The following SMYD3 variants were observed in gnomAD, a reference collection of about 807,000 sequenced individuals.
SMYD3 encodes the protein SET and MYND domain containing 3.
Under a neutral mutation model 57.7 loss-of-function variants are expected in SMYD3, and 36 were observed. That is an observed-to-expected ratio of 0.62 (90% CI 0.48 to 0.82). SMYD3 has a LOEUF of 0.82. Among genes scored for constraint, SMYD3 ranks in the 40% least tolerant of loss-of-function variants. The pLI is 0.00. For missense variants in SMYD3, 515 were observed against 538.8 expected (o/e 0.96, Z 0.44); for synonymous variants, 211 against 195.0 (o/e 1.08, Z -0.68).
chr1:245,951,497 A>T lies in SMYD3; in HGVS notation c.532-21560T>A, dbSNP rs1436314739. Among the ~76,000 whole-genome samples the T allele has an allele frequency of 1.5e-5, 2 of 136,050 alleles. 1 individual carries two copies. Among genetic ancestry groups the T allele is most frequent in the African/African-American group, 6.0e-5 (2 of 33,080 alleles). 89.3% of individuals were successfully genotyped at this position (136,050 alleles called of 152,430 possible). A position where few individuals can be genotyped will look rare whatever the true frequency, so the allele number is the denominator to read the frequency against. ...GGCAGGAGAATGGCGTGAACCCGGG[A>T]GGCAGAGCTTGCAGTGAGCCGAGAT... On this transcript the variant is annotated intron_variant, in intron 5 of 11. Transcript: ENST00000490107.
At chr1:246,128,349 T>C (rs1201734089) in intron 5 of SMYD3, among the ~76,000 whole-genome samples, 1 of 152,180 alleles carries the variant, frequency 6.6e-6, no homozygotes, top group East Asian at 1.9e-4. Context: ...AATATATTTC[T>C]ATGAGGGGAG....
At chr1:246,405,779 G>A (rs1204993647) in intron 1 of SMYD3, among the ~76,000 whole-genome samples, 1 of 151,714 alleles carries the variant, frequency 6.6e-6, no homozygotes, top group Non-Finnish European at 1.5e-5. Context: ...GCGTGGTGGC[G>A]GGCGCCTGTA....
chr1:245,978,117 C>A (rs148178226), intron 5 of SMYD3, among the ~76,000 whole-genome samples: 1 of 152,288 alleles, frequency 6.6e-6, no homozygotes, highest in Non-Finnish European at 1.5e-5. Context: ...TGAACATGGG[C>A]AGAAGGAATC....
At chr1:246,506,409 G>C (rs868280356) in intron 1 of SMYD3, among the ~76,000 whole-genome samples, 1 of 152,190 alleles carries the variant, frequency 6.6e-6, no homozygotes, top group Non-Finnish European at 1.5e-5. Flanking sequence ...GGGGACCCGT[G>C]TCTGATGCTC....
At chr1:246,174,456 T>C (rs59650840) in intron 5 of SMYD3, among the ~76,000 whole-genome samples, 2,895 of 152,302 alleles carry the variant, frequency 0.019, 93 homozygotes, top group African/African-American at 0.067. Flanking sequence ...TTGTTTGTTG[T>C]TTGTTTTTAA....
intron 10 of SMYD3, among the ~76,000 whole-genome samples, chr1:245,789,896 C>A (rs1308726111): frequency 1.3e-5 from 2 of 152,228 alleles, no homozygotes; most frequent in Non-Finnish European, 2.9e-5. Context: ...AACTAGAATT[C>A]ATTGACCAGT....
chr1:246,441,497 C>G (rs2067461391), intron 1 of SMYD3, among the ~76,000 whole-genome samples: 1 of 152,190 alleles, frequency 6.6e-6, no homozygotes, highest in East Asian at 1.9e-4. Context: ...ATCACTGGAG[C>G]TTTCAAATCT....
chr1:246,303,526 G>A (rs2064930381), intron 5 of SMYD3, among the ~76,000 whole-genome samples: 1 of 151,858 alleles, frequency 6.6e-6, no homozygotes, highest in South Asian at 2.1e-4. Context: ...ATATAAATTA[G>A]TTGTTATACT....
chr1:245,854,416 T>C (rs2051128724), intron 10 of SMYD3, among the ~76,000 whole-genome samples: 1 of 152,174 alleles, frequency 6.6e-6, no homozygotes, highest in Non-Finnish European at 1.5e-5. Flanking sequence ...TTTGACACAG[T>C]ACACATAAAT....
intron 1 of SMYD3, among the ~76,000 whole-genome samples, chr1:246,434,715 G>A (rs985005962): frequency 1.1e-4 from 17 of 152,284 alleles, no homozygotes; most frequent in East Asian, 5.8e-4. Context: ...AACCTAGTTC[G>A]GCCACTGTGG....
chr1:246,029,227 G>A (rs570106344), intron 5 of SMYD3, among the ~76,000 whole-genome samples: 1 of 152,196 alleles, frequency 6.6e-6, no homozygotes, highest in South Asian at 2.1e-4. Flanking sequence ...TAAACTAAAA[G>A]GTTTCTGTAC....
chr1:246,342,308 A>C (rs2065645270), intron 2 of SMYD3, among the ~76,000 whole-genome samples: 1 of 152,202 alleles, frequency 6.6e-6, no homozygotes, highest in Non-Finnish European at 1.5e-5. Context: ...GAGGTTTCCT[A>C]TGGGCAAAAC....
chr1:245,754,780 C>A (rs1477946027), intron 11 of SMYD3, among the ~76,000 whole-genome samples: 2 of 152,200 alleles, frequency 1.3e-5, no homozygotes, highest in African/African-American at 4.8e-5. Context: ...GTCTGAGCAG[C>A]TTTAATGAAT....
At chr1:246,106,916 T>C (rs2061133828) in intron 5 of SMYD3, among the ~76,000 whole-genome samples, 1 of 152,022 alleles carries the variant, frequency 6.6e-6, no homozygotes, top group Non-Finnish European at 1.5e-5. Flanking sequence ...AACAGCAAAG[T>C]GAGGAGAAAA....
intron 5 of SMYD3, among the ~76,000 whole-genome samples, chr1:246,211,563 C>T (rs74454130): frequency 0.014 from 2,175 of 152,066 alleles, 54 homozygotes; most frequent in African/African-American, 0.049. Flanking sequence ...GTGATGAAAG[C>T]ATATAGACAA....
At chr1:246,484,092 A>G (rs80274110) in intron 1 of SMYD3, among the ~76,000 whole-genome samples, 3 of 73,462 alleles carry the variant, frequency 4.1e-5, no homozygotes, top group Admixed American at 1.3e-4. Context: ...AGTTACACCT[A>G]AAAACACATC....
At chr1:245,817,478 A>G (rs2048917946) in intron 10 of SMYD3, among the ~76,000 whole-genome samples, 1 of 151,866 alleles carries the variant, frequency 6.6e-6, no homozygotes, top group Non-Finnish European at 1.5e-5. Flanking sequence ...GAAACTCTAA[A>G]AAGCAGAGCA....
intron 5 of SMYD3, among the ~76,000 whole-genome samples, chr1:246,043,556 T>A (rs2059913704): frequency 6.6e-6 from 1 of 152,166 alleles, no homozygotes; most frequent in African/African-American, 2.4e-5. Context: ...TTTGGACAGA[T>A]CATGTGACAA....
intron 8 of SMYD3, among the ~76,000 whole-genome samples, chr1:245,898,304 C>CAT (rs1219041653): frequency 6.6e-6 from 1 of 152,138 alleles, no homozygotes; most frequent in African/African-American, 2.4e-5. Context: ...CAAGTAGATA[C>CAT]ATATATACAT....
Sources: gnomAD v4.1 joint callset for allele counts (sites outside exome capture counted in the v4.1 genomes callset) on GRCh38, gnomAD v4.1.1 for gene constraint, MANE v1.5 for transcripts, NCBI Gene and HGNC (gene_info 2026-07-23, HGNC 2026-07-21) for gene names.